ROBO2: variants seen among roughly 807,000 people sequenced by gnomAD.
ROBO2 encodes roundabout homolog 2.
A neutral mutation model predicts 160.8 loss-of-function variants in ROBO2; 53 were observed. That is an observed-to-expected ratio of 0.33 (90% CI 0.26 to 0.41). ROBO2 has a LOEUF of 0.41. ROBO2 is among the 10% of genes least tolerant of loss of function. The probability of loss-of-function intolerance (pLI) is 1.00; values close to 1 mark genes in which losing one functional copy is unlikely to be tolerated. For missense variants in ROBO2, 1,577 were observed against 1,722.4 expected, an observed-to-expected ratio of 0.92 and a Z score of 1.49; for synonymous variants, 664 against 611.7, an observed-to-expected ratio of 1.09 and a Z score of -1.26.
At chr3:77,027,198 C>A (rs1178210855) in intron 2 of ROBO2, among the ~76,000 whole-genome samples, 1 of 152,084 alleles carries the variant, frequency 6.6e-6, no homozygotes, top group Non-Finnish European at 1.5e-5. Context: ...GCCTGACAAA[C>A]AATAATGTTA....
intron 2 of ROBO2, among the ~76,000 whole-genome samples, chr3:77,142,016 TG>T (rs2076743776): frequency 6.6e-6 from 1 of 152,214 alleles, no homozygotes; most frequent in African/African-American, 2.4e-5. Flanking sequence ...GTACTTGTGC[TG>T]TCTTATACGT....
chr3:77,560,724 G>A (rs1721188), intron 9 of ROBO2, among the ~76,000 whole-genome samples: 81,500 of 151,908 alleles, frequency 0.54, 21,949 homozygotes, highest in Middle Eastern at 0.68. Context: ...TATACCTACC[G>A]CAGCTAATGT....
At chr3:76,685,893 A>G (rs919987715) in intron 2 of ROBO2, among the ~76,000 whole-genome samples, 1 of 152,182 alleles carries the variant, frequency 6.6e-6, no homozygotes, top group Non-Finnish European at 1.5e-5. Context: ...TTCAAGTTTT[A>G]GCAGAGAGTA....
chr3:77,592,064 A>G (rs2094193673), intron 17 of ROBO2, among the ~76,000 whole-genome samples: 1 of 152,246 alleles, frequency 6.6e-6, no homozygotes, highest in African/African-American at 2.4e-5. Flanking sequence ...TTTGAAGCAT[A>G]AAGTAAAAAA....
intron 2 of ROBO2, among the ~76,000 whole-genome samples, chr3:76,525,810 G>T (rs538779965): frequency 3.3e-5 from 5 of 151,818 alleles, no homozygotes; most frequent in African/African-American, 9.7e-5. Flanking sequence ...TGCCATAATG[G>T]TCACAGCTAA....
At chr3:77,063,087 T>C (rs974251238) in intron 1 of ROBO2, among the ~76,000 whole-genome samples, 14 of 152,196 alleles carry the variant, frequency 9.2e-5, no homozygotes, top group Admixed American at 2.0e-4. Context: ...GCATCATCAA[T>C]TTTTAGCTCA....
intron 2 of ROBO2, among the ~76,000 whole-genome samples, chr3:76,104,556 A>G (rs1171094660): frequency 6.6e-6 from 1 of 152,222 alleles, no homozygotes; most frequent in Non-Finnish European, 1.5e-5. Flanking sequence ...TCATAGCCAT[A>G]AAATGATGGA....
intron 2 of ROBO2, among the ~76,000 whole-genome samples, chr3:76,170,096 A>T (rs1460079833): frequency 3.9e-5 from 6 of 152,078 alleles, no homozygotes; most frequent in Non-Finnish European, 8.8e-5. Flanking sequence ...AAGGATTTTT[A>T]AAAAATTTTT....
At chr3:77,209,221 G>T (rs570964850) in intron 2 of ROBO2, among the ~76,000 whole-genome samples, 9 of 152,108 alleles carry the variant, frequency 5.9e-5, no homozygotes, top group Admixed American at 5.9e-4. Flanking sequence ...TTTGTTTCAT[G>T]ATCTATGAAT....
At chr3:77,495,194 G>A (rs1216405918) in intron 5 of ROBO2, among the ~76,000 whole-genome samples, 6 of 152,170 alleles carry the variant, frequency 3.9e-5, no homozygotes, top group Non-Finnish European at 7.3e-5. Flanking sequence ...ATTTATCCTA[G>A]TGTAAACACA....
intron 2 of ROBO2, among the ~76,000 whole-genome samples, chr3:76,199,801 G>A (rs936187372): frequency 3.9e-5 from 6 of 152,050 alleles, no homozygotes; most frequent in South Asian, 2.1e-4. Context: ...GCCCCACTTC[G>A]ACTTTGACTG....
Position 76,983,846 on chromosome 3 carries a change from T to A in ROBO2, c.110-114168T>A, listed in dbSNP as rs373234206. On this transcript the variant is annotated intron_variant, in intron 2 of 26. Transcript: ENST00000487694. ...TAAATAACTGGTAAAGCTGGTGTAT[T>A]AGTCTTTCCTCAGGCTGCTATGGAG... is the stretch of plus-strand genomic sequence containing the variant. Among the ~76,000 whole-genome samples the A allele has an allele frequency of 1.6e-4, 25 of 152,336 alleles. No individual in the cohort carries two copies. The South Asian group carries it at 5.0e-3, about 30-fold the overall frequency.
intron 2 of ROBO2, among the ~76,000 whole-genome samples, chr3:76,702,274 T>G (rs1285969580): frequency 6.6e-6 from 1 of 151,816 alleles, no homozygotes; most frequent in Non-Finnish European, 1.5e-5. Flanking sequence ...GATTTGGGGG[T>G]TGTGATGAAC....
chr3:77,089,029 G>A (rs1308116875), intron 1 of ROBO2, among the ~76,000 whole-genome samples: 3 of 152,108 alleles, frequency 2.0e-5, no homozygotes, highest in African/African-American at 4.8e-5. Context: ...CTTACCTCAA[G>A]TTTGGGATGA....
At chr3:76,900,162 T>A (rs1459798022) in intron 2 of ROBO2, among the ~76,000 whole-genome samples, 1 of 152,158 alleles carries the variant, frequency 6.6e-6, no homozygotes, top group Non-Finnish European at 1.5e-5. Context: ...CCTCATTCAC[T>A]ATCACAAGAA....
At chr3:76,453,026 G>GT (rs879712767) in intron 2 of ROBO2, among the ~76,000 whole-genome samples, 18 of 152,114 alleles carry the variant, frequency 1.2e-4, no homozygotes, top group African/African-American at 4.3e-4. Flanking sequence ...GGGGTTGTTT[G>GT]TTTTTTTCTT....
intron 2 of ROBO2, among the ~76,000 whole-genome samples, chr3:76,177,862 A>C (rs1447714213): frequency 6.6e-6 from 1 of 152,176 alleles, no homozygotes; most frequent in Non-Finnish European, 1.5e-5. Context: ...GCTGAGTGGC[A>C]AATTACCTAC....
At chr3:77,559,258 C>G (rs2093239470) in intron 9 of ROBO2, among the ~76,000 whole-genome samples, 1 of 152,056 alleles carries the variant, frequency 6.6e-6, no homozygotes, top group Non-Finnish European at 1.5e-5. Context: ...CAACAGGTCC[C>G]ACTTACACTC....
intron 2 of ROBO2, among the ~76,000 whole-genome samples, chr3:76,271,949 A>G (rs1401357733): frequency 1.3e-5 from 2 of 152,176 alleles, no homozygotes; most frequent in Admixed American, 1.3e-4. Context: ...TAAATATTCT[A>G]GTTCCCATTC....
Sources: gnomAD v4.1 joint callset for allele counts (sites outside exome capture counted in the v4.1 genomes callset) on GRCh38, gnomAD v4.1.1 for gene constraint, MANE v1.5 for transcripts, NCBI Gene and HGNC (gene_info 2026-07-23, HGNC 2026-07-21) for gene names.